NUDCD3: variants seen among roughly 807,000 people sequenced by gnomAD.
NUDCD3 encodes the protein nudC domain-containing protein 3.
In NUDCD3, 13 loss-of-function variants were observed where a neutral mutation model predicts 39.7. That is an observed-to-expected ratio of 0.33 (90% CI 0.21 to 0.52). The LOEUF is 0.52. Among genes scored for constraint, NUDCD3 ranks in the 20% least tolerant of loss-of-function variants. The pLI, the probability that NUDCD3 is intolerant of heterozygous loss-of-function variation, is 0.96. For synonymous variants in NUDCD3, 175 were observed against 172.4 expected (o/e 1.02, Z -0.12); for missense variants, 453 against 458.1 (o/e 0.99, Z 0.10).
intron 2 of NUDCD3, among the ~76,000 whole-genome samples, chr7:44,460,525 T>G (rs746867842): frequency 6.6e-6 from 1 of 152,080 alleles, no homozygotes; most frequent in South Asian, 2.1e-4. Flanking sequence ...CGTGCCCTTT[T>G]TAAAAACCCA....
chr7:44,435,027 A>C (rs1380219670), intron 2 of NUDCD3, among the ~76,000 whole-genome samples: 1 of 152,178 alleles, frequency 6.6e-6, no homozygotes, highest in African/African-American at 2.4e-5. Context: ...CTATGGGATG[A>C]TTCTTGAACC....
chr7:44,456,680 C>G (rs1462242652), intron 2 of NUDCD3, among the ~76,000 whole-genome samples: 1 of 151,752 alleles, frequency 6.6e-6, no homozygotes, highest in Non-Finnish European at 1.5e-5. Flanking sequence ...TGCTTGAGCC[C>G]AGGAGGTCGA....
At chr7:44,404,691 G>T in intron 3 of NUDCD3, 108 bp from the exon 4 acceptor site, 1 of 1,167,380 alleles carries the variant, frequency 8.6e-7, no homozygotes. Context: ...ACACTACAGC[G>T]CTGTCATCAG....
intron 5 of NUDCD3, among the ~76,000 whole-genome samples, chr7:44,389,145 G>A (rs1187629162): frequency 6.6e-6 from 1 of 152,266 alleles, no homozygotes; most frequent in Non-Finnish European, 1.5e-5. Flanking sequence ...GCATGAAGGG[G>A]GATGCCAGTT....
At chr7:44,401,412 G>A (rs936732697) in intron 4 of NUDCD3, among the ~76,000 whole-genome samples, 6 of 152,222 alleles carry the variant, frequency 3.9e-5, no homozygotes, top group African/African-American at 1.4e-4. Flanking sequence ...AAGTTTCTGT[G>A]ATATACTCTG....
Position 44,484,003 on chromosome 7 carries a change from G to A in NUDCD3, c.509+965C>T, listed in dbSNP as rs187143318. Among the ~76,000 whole-genome samples the A allele has an allele frequency of 5.7e-3, 874 of 152,116 alleles. 5 individuals carry two copies. The highest frequency in any genetic ancestry group is 6.1e-3 in the Non-Finnish European group (418 of 68,002). On this transcript the variant is annotated intron_variant, in intron 2 of 5. Coordinates refer to ENST00000355451, the MANE Select transcript of NUDCD3 (RefSeq NM_015332.4). ...CAGCCTGGCCAACAGAGTAAGATCC[G>A]GTCTCTATTAAAAAGTGTGCACGCA...
chr7:44,456,051 CAAAAA>C (rs372176405), intron 2 of NUDCD3, among the ~76,000 whole-genome samples: 37 of 104,786 alleles, frequency 3.5e-4, no homozygotes, highest in South Asian at 9.3e-4. Flanking sequence ...AAAAAAAAAA[CAAAAA>C]AACAAACAAC....
rs375502477 is a variant in NUDCD3, at chr7:44,468,284, C to T, written c.509+16684G>A. The T allele has an allele frequency of 2.9e-4, 461 of 1,575,156 alleles. 1 individual carries two copies. The African/African-American group carries it at 4.5e-3, about 15-fold the overall frequency. On this transcript the variant is annotated intron_variant, in intron 2 of 5. Transcript: ENST00000355451. ...AGTCACCAACCCCAATGCCAGGCTG[C>T]GCAGCGAAGAAAATGAGTAGACAGC...
intron 3 of NUDCD3, among the ~76,000 whole-genome samples, chr7:44,411,076 G>C (rs1798914429): frequency 6.6e-6 from 1 of 152,308 alleles, no homozygotes; most frequent in African/African-American, 2.4e-5. Flanking sequence ...TGTACCATGA[G>C]AACTGAGTAT....
chr7:44,434,184 C>T (rs1799422876), intron 2 of NUDCD3, among the ~76,000 whole-genome samples: 1 of 152,172 alleles, frequency 6.6e-6, no homozygotes, highest in African/African-American at 2.4e-5. Flanking sequence ...AGAGCTCGTC[C>T]ACTCATGCTG....
intron 2 of NUDCD3, among the ~76,000 whole-genome samples, chr7:44,469,746 G>A (rs549757347): frequency 1.3e-5 from 2 of 151,976 alleles, no homozygotes; most frequent in South Asian, 4.2e-4. Flanking sequence ...ATTCTTCTGT[G>A]GCATTCTTGC....
intron 2 of NUDCD3, chr7:44,484,431 T>C (rs1461315750): frequency 6.5e-6 from 1 of 152,712 alleles, no homozygotes; most frequent in Non-Finnish European, 1.5e-5. Flanking sequence ...AACAGCTCTA[T>C]GAGACAGGTA....
chr7:44,447,310 A>G (rs1799706644), intron 2 of NUDCD3, among the ~76,000 whole-genome samples: 1 of 152,230 alleles, frequency 6.6e-6, no homozygotes, highest in Non-Finnish European at 1.5e-5. Flanking sequence ...CCAGGCCAAC[A>G]AACACTGTAA....
chr7:44,454,354 AAAAT>A (rs1799852597), intron 2 of NUDCD3, among the ~76,000 whole-genome samples: 1 of 152,150 alleles, frequency 6.6e-6, no homozygotes, highest in Non-Finnish European at 1.5e-5. Flanking sequence ...TAAAAATAAA[AAAAT>A]AAAAACTCCC....
chr7:44,474,139 C>T (rs952911429), intron 2 of NUDCD3, among the ~76,000 whole-genome samples: 4 of 148,278 alleles, frequency 2.7e-5, no homozygotes, highest in African/African-American at 1.0e-4. Flanking sequence ...CAAATTCTAC[C>T]TAATAAACAT....
chr7:44,414,157 C>G (rs1331373540), intron 3 of NUDCD3, among the ~76,000 whole-genome samples: 1 of 152,064 alleles, frequency 6.6e-6, no homozygotes, highest in Non-Finnish European at 1.5e-5. Flanking sequence ...TATTAAAGGG[C>G]ATTGTTTTAT....
At chr7:44,427,732 G>A in intron 2 of NUDCD3, 29 bp from the exon 3 acceptor site, 8 of 1,610,132 alleles carry the variant, frequency 5.0e-6, no homozygotes, top group Non-Finnish European at 6.8e-6. Context: ...TGTGATCCCA[G>A]TCAGCCATGC....
chr7:44,435,429 GAAAT>G (rs1223507141), intron 2 of NUDCD3, among the ~76,000 whole-genome samples: 7 of 152,094 alleles, frequency 4.6e-5, no homozygotes, highest in Non-Finnish European at 7.4e-5. Flanking sequence ...GGGACAATCA[GAAAT>G]AAATAAATAA....
At chr7:44,441,138 A>G (rs1799576085) in intron 2 of NUDCD3, among the ~76,000 whole-genome samples, 1 of 152,086 alleles carries the variant, frequency 6.6e-6, no homozygotes, top group African/African-American at 2.4e-5. Context: ...TTCCCATTTG[A>G]TTTATCTAGA....
Sources: allele counts gnomAD v4.1 joint callset (sites outside exome capture counted in the v4.1 genomes callset), GRCh38; gene constraint gnomAD v4.1.1; transcripts MANE v1.5; gene names NCBI Gene and HGNC (gene_info 2026-07-23, HGNC 2026-07-21).